Variants in ANKIB1 observed in about 807,000 individuals in gnomAD.
ANKIB1 encodes the protein ankyrin repeat and IBR domain-containing protein 1.
ANKIB1 carries 43 observed loss-of-function variants against 122.1 expected under a neutral mutation model. The observed-to-expected ratio is 0.35, with a 90% CI of 0.28 to 0.45. The LOEUF (loss-of-function observed/expected upper bound fraction) is 0.45, where lower values mean the gene tolerates loss of function less well. Ranked by LOEUF, ANKIB1 falls within the 20% of genes least tolerant of loss-of-function variation. The pLI, the probability that ANKIB1 is intolerant of heterozygous loss-of-function variation, is 1.00. For synonymous variants in ANKIB1, 390 were observed against 442.0 expected, an observed-to-expected ratio of 0.88 and a Z score of 1.48; for missense variants, 992 against 1,329.5, an observed-to-expected ratio of 0.75 and a Z score of 3.95.
At chr7:92,335,171 C>T (rs1474709454) in intron 5 of ANKIB1, among the ~76,000 whole-genome samples, 2 of 151,504 alleles carry the variant, frequency 1.3e-5, no homozygotes, top group Non-Finnish European at 3.0e-5. Context: ...TCTCCATTGC[C>T]TCATCTGTTA....
At chr7:92,353,758 G>C (rs1803716820) in intron 9 of ANKIB1, among the ~76,000 whole-genome samples, 1 of 152,136 alleles carries the variant, frequency 6.6e-6, no homozygotes, top group African/African-American at 2.4e-5. Context: ...CATTTTGCTG[G>C]AACACAGCCA....
intron 9 of ANKIB1, among the ~76,000 whole-genome samples, chr7:92,353,756 T>A: frequency 6.6e-6 from 1 of 152,218 alleles, no homozygotes; most frequent in South Asian, 2.1e-4. Context: ...AACATTTTGC[T>A]GGAACACAGC....
chr7:92,280,460 C>CG (rs933392204), intron 1 of ANKIB1, among the ~76,000 whole-genome samples: 8 of 151,206 alleles, frequency 5.3e-5, no homozygotes, highest in African/African-American at 1.7e-4. Flanking sequence ...ACCCCCCCCC[C>CG]CTTTTTTTCC....
chr7:92,266,439 G>A (rs1257540864), intron 1 of ANKIB1, among the ~76,000 whole-genome samples: 1 of 152,160 alleles, frequency 6.6e-6, no homozygotes, highest in Non-Finnish European at 1.5e-5. Flanking sequence ...CTGAGGCAGA[G>A]CACCCAAGGA....
intron 1 of ANKIB1, among the ~76,000 whole-genome samples, chr7:92,249,829 G>T (rs1456906732): frequency 6.6e-6 from 1 of 151,802 alleles, no homozygotes; most frequent in African/African-American, 2.4e-5. Flanking sequence ...CCTTAGAACA[G>T]TCCCAAAATA....
At chr7:92,281,621 T>C (rs1802013511) in intron 1 of ANKIB1, among the ~76,000 whole-genome samples, 2 of 152,136 alleles carry the variant, frequency 1.3e-5, no homozygotes, top group African/African-American at 4.8e-5. Flanking sequence ...AGGAGTGAAA[T>C]AGTTTTGTAC....
intron 1 of ANKIB1, among the ~76,000 whole-genome samples, chr7:92,269,880 T>C (rs1801749394): frequency 6.6e-6 from 1 of 152,026 alleles, no homozygotes; most frequent in Admixed American, 6.6e-5. Context: ...ATGTGCCATG[T>C]TGGCTTGCTG....
chr7:92,323,508 T>C (rs186712849), intron 4 of ANKIB1, among the ~76,000 whole-genome samples: 15 of 152,322 alleles, frequency 9.8e-5, no homozygotes, highest in Admixed American at 2.0e-4. Flanking sequence ...TGTGACTTGC[T>C]AATACTATGA....
At position 92,353,260 on chromosome 7, in the gene ANKIB1, G is replaced by C. The variant is rs1234993505; in HGVS notation, c.1397+618G>C. Among the ~76,000 whole-genome samples the C allele has an allele frequency of 2.0e-5, 3 of 152,270 alleles. No individual in the cohort carries two copies. In the East Asian group the frequency reaches 5.8e-4, roughly 29 times the overall value. ...CAGTTCTAGTCAGGAATCAATGACT[G>C]CAGGCTCGTTGTTTCTTGTGTTTTG... On this transcript the variant is annotated intron_variant, in intron 9 of 19. Coordinates refer to ENST00000265742, the MANE Select transcript of ANKIB1 (RefSeq NM_019004.2).
At chr7:92,369,565 G>T (rs1011242135) in intron 10 of ANKIB1, among the ~76,000 whole-genome samples, 1 of 152,132 alleles carries the variant, frequency 6.6e-6, no homozygotes, top group Non-Finnish European at 1.5e-5. Context: ...TTCCCCAGGG[G>T]CTTATATCTA....
chr7:92,278,991 A>G (rs564987264), intron 1 of ANKIB1, among the ~76,000 whole-genome samples: 1 of 152,282 alleles, frequency 6.6e-6, no homozygotes, highest in East Asian at 1.9e-4. Context: ...GGTACTAGAG[A>G]CCGCTTATGT....
chr7:92,309,553 T>C (rs915868637), intron 3 of ANKIB1, among the ~76,000 whole-genome samples: 1 of 152,172 alleles, frequency 6.6e-6, no homozygotes, highest in African/African-American at 2.4e-5. Context: ...CTCACCATTA[T>C]TGATGGGACT....
chr7:92,395,906 T>G, intron 17 of ANKIB1: 1 of 166,968 alleles, frequency 6.0e-6, no homozygotes, highest in Non-Finnish European at 1.3e-5. Context: ...CCCAGCTACT[T>G]AGGAGGCCGA....
rs551355859 is a variant in ANKIB1, at chr7:92,361,374, T to G, written c.1398-811T>G. ...CTGGAGATGCAGAGGTAAAAGTAAC[T>G]ACAGTAATTCAACTTAAAACAGTGT... is the stretch of plus-strand genomic sequence containing the variant. On this transcript the variant is annotated intron_variant, in intron 9 of 19. Coordinates refer to ENST00000265742, the MANE Select transcript of ANKIB1 (RefSeq NM_019004.2). Among the ~76,000 whole-genome samples, 15 of 152,326 alleles carry G rather than the reference T, an allele frequency of 9.8e-5. No homozygotes were observed. The South Asian group carries it at 1.4e-3, about 15-fold the overall frequency.
intron 11 of ANKIB1, among the ~76,000 whole-genome samples, chr7:92,372,517 A>G (rs1804292119): frequency 6.6e-6 from 1 of 152,214 alleles, no homozygotes; most frequent in Admixed American, 6.5e-5. Flanking sequence ...AACCCAAAGC[A>G]GTGGCCAGAC....
chr7:92,327,938 G>T, intron 5 of ANKIB1, 38 bp downstream of exon 5: 1 of 1,375,988 alleles, frequency 7.3e-7, no homozygotes. Context: ...AAGAACATGA[G>T]TAACTTTTGA....
At chr7:92,338,965 TA>T (rs1562786373) in intron 5 of ANKIB1, among the ~76,000 whole-genome samples, 2 of 100,506 alleles carry the variant, frequency 2.0e-5, no homozygotes, top group East Asian at 4.2e-4. Flanking sequence ...TATATATATA[TA>T]TATATTTATA....
chr7:92,358,811 T>A (rs797012615), intron 9 of ANKIB1, among the ~76,000 whole-genome samples: 1 of 152,198 alleles, frequency 6.6e-6, no homozygotes, highest in African/African-American at 2.4e-5. Flanking sequence ...TTTGTACTTC[T>A]GGGCTTTTTT....
At chr7:92,341,802 T>C (rs904269301) in intron 5 of ANKIB1, among the ~76,000 whole-genome samples, 12 of 152,188 alleles carry the variant, frequency 7.9e-5, no homozygotes, top group Non-Finnish European at 1.3e-4. Context: ...GTAGAAACCA[T>C]ACTACTCTTG....
Sources: gnomAD v4.1 joint callset for allele counts (sites outside exome capture counted in the v4.1 genomes callset) on GRCh38, gnomAD v4.1.1 for gene constraint, MANE v1.5 for transcripts, NCBI Gene and HGNC (gene_info 2026-07-23, HGNC 2026-07-21) for gene names.